Variants in CDK6 observed in about 807,000 individuals in gnomAD.
The protein encoded by CDK6 is cyclin dependent kinase 6, also known as cyclin-dependent kinase 6.
A neutral mutation model predicts 37.1 loss-of-function variants in CDK6; 6 were observed. The ratio of observed to expected loss-of-function variants is 0.16; its 90% CI spans 0.09 to 0.32. The LOEUF (loss-of-function observed/expected upper bound fraction) is 0.32, where lower values mean the gene tolerates loss of function less well. Among genes scored for constraint, CDK6 ranks in the 10% least tolerant of loss-of-function variants. CDK6 has a pLI of 1.00. For missense variants in CDK6, 224 were observed against 418.9 expected, an observed-to-expected ratio of 0.53 and a Z score of 4.06; for synonymous variants, 160 against 161.3, an observed-to-expected ratio of 0.99 and a Z score of 0.06.
chr7:92,725,992 C>T (rs1798504198), intron 3 of CDK6, among the ~76,000 whole-genome samples, 199 bp from the exon 4 acceptor site: 1 of 152,100 alleles, frequency 6.6e-6, no homozygotes, highest in South Asian at 2.1e-4. Context: ...AAAAATTTCA[C>T]TCTCAACCTG....
intron 5 of CDK6, among the ~76,000 whole-genome samples, chr7:92,630,777 T>C (rs560320203): frequency 6.6e-6 from 1 of 152,298 alleles, no homozygotes; most frequent in East Asian, 1.9e-4. Flanking sequence ...ATACTCACTA[T>C]AGTTTAAATT....
At chr7:92,623,732 G>A (rs1204511809) in intron 5 of CDK6, among the ~76,000 whole-genome samples, 4 of 152,130 alleles carry the variant, frequency 2.6e-5, no homozygotes, top group African/African-American at 9.7e-5. Flanking sequence ...AGGTCATTTT[G>A]TGACATTTCT....
intron 4 of CDK6, among the ~76,000 whole-genome samples, chr7:92,678,536 A>G (rs1313809301): frequency 6.6e-6 from 1 of 152,244 alleles, no homozygotes; most frequent in Non-Finnish European, 1.5e-5. Flanking sequence ...ATAATAGTAT[A>G]AGAAAAAGTA....
intron 4 of CDK6, among the ~76,000 whole-genome samples, chr7:92,716,351 G>A (rs1467670766): frequency 6.6e-6 from 1 of 152,182 alleles, no homozygotes; most frequent in Non-Finnish European, 1.5e-5. Context: ...GTAGGTTGGA[G>A]CTGAGCTTCA....
intron 3 of CDK6, among the ~76,000 whole-genome samples, chr7:92,765,717 A>G (rs1278770621): frequency 2.6e-5 from 4 of 152,226 alleles, no homozygotes; most frequent in Admixed American, 2.6e-4. Flanking sequence ...GCAATGGACT[A>G]GAGTCTTGAC....
chr7:92,641,127 T>C (rs1796295457), intron 5 of CDK6, among the ~76,000 whole-genome samples: 1 of 152,150 alleles, frequency 6.6e-6, no homozygotes, highest in African/African-American at 2.4e-5. Flanking sequence ...TGGTCACTGG[T>C]TTATGGTTTA....
In CDK6 at chr7:92,711,552, ATTTTTTTT is replaced by A. The variant is rs11285626; in HGVS notation, c.537+14066_537+14073del. 7.5e-3 allele frequency among the ~76,000 whole-genome samples: 425 copies of A among 56,638 alleles called. 4 individuals are homozygous for A. Among genetic ancestry groups the A allele is most frequent in the African/African-American group, 0.031 (375 of 12,228 alleles). The allele number at this position is 56,638 out of a possible 152,430, so 37.2% of individuals were successfully genotyped here. On this transcript the variant is annotated intron_variant, in intron 4 of 7. Coordinates refer to ENST00000424848, the MANE Select transcript of CDK6 (RefSeq NM_001145306.2). Reference sequence around the variant, plus strand: ...TTTTTTACCTACCTGGAATGGTCAAATTTTTTTTTTTTTTTTTTTTTTTTTTTTTTTAA... The same window carrying A: ...TTTTTTACCTACCTGGAATGGTCAAATTTTTTTTTTTTTTTTTTTTTTTAA...
rs200526967 is a variant in CDK6, at chr7:92,665,577, G to A, written c.647+5849C>T. Among the ~76,000 whole-genome samples, 21 of 152,212 alleles carry A rather than the reference G, an allele frequency of 1.4e-4. No individual in the cohort carries two copies. The East Asian group carries it at 3.9e-3, about 28-fold the overall frequency. Reference sequence around the variant, plus strand: ...CATCTGCCCTATGACTCTCTTTACTGAGTTTATATTTCCTAGGTATTTCAT... The same window carrying A: ...CATCTGCCCTATGACTCTCTTTACTAAGTTTATATTTCCTAGGTATTTCAT... On this transcript the variant is annotated intron_variant, in intron 5 of 7. Transcript: ENST00000424848.
At position 92,611,625 on chromosome 7, in the gene CDK6, G is replaced by A. The variant is rs1275572704; in HGVS notation, c.*3515C>T. ...ACTCACTTTAAATACATAATTTAAA[G>A]TTCAAAATGTTTGGTACTATTTAAG... On this transcript the variant is annotated 3_prime_UTR_variant, in exon 8 of 8. Coordinates refer to ENST00000424848, the MANE Select transcript of CDK6 (RefSeq NM_001145306.2). The A allele has an allele frequency of 8.8e-6, 2 of 228,474 alleles. No homozygotes were observed. The highest frequency in any genetic ancestry group is 5.7e-5 in the Admixed American group (1 of 17,652). 14.2% of individuals were successfully genotyped at this position (228,474 alleles called of 1,614,324 possible).
intron 2 of CDK6, among the ~76,000 whole-genome samples, chr7:92,805,525 C>T (rs1310747141): frequency 6.6e-6 from 1 of 152,132 alleles, no homozygotes; most frequent in East Asian, 1.9e-4. Flanking sequence ...TTCATAAACT[C>T]CCTCAGTGTA....
chr7:92,717,476 A>G lies in CDK6; in HGVS notation c.537+8150T>C, dbSNP rs550324493. ...AGGAAAGAAGAAAGAAAGAAAAAGAAAGAAAGAAAGAAAAGAAAGAAAAGA... is the reference window on the plus strand; with the variant it reads ...AGGAAAGAAGAAAGAAAGAAAAAGAGAGAAAGAAAGAAAAGAAAGAAAAGA... On this transcript the variant is annotated intron_variant, in intron 4 of 7. Coordinates refer to ENST00000424848, the MANE Select transcript of CDK6 (RefSeq NM_001145306.2). Among the ~76,000 whole-genome samples, 9 of 152,052 alleles carry G rather than the reference A, an allele frequency of 5.9e-5. No individual in the cohort carries two copies. The East Asian group carries it at 1.5e-3, about 26-fold the overall frequency.
intron 4 of CDK6, among the ~76,000 whole-genome samples, chr7:92,686,787 T>A (rs1320178150): frequency 6.6e-6 from 1 of 151,926 alleles, no homozygotes; most frequent in Non-Finnish European, 1.5e-5. Flanking sequence ...TGTGCCAACA[T>A]CCATTTTTTT....
intron 3 of CDK6, among the ~76,000 whole-genome samples, chr7:92,742,625 A>C (rs1285035898): frequency 6.6e-6 from 1 of 152,198 alleles, no homozygotes; most frequent in Non-Finnish European, 1.5e-5. Context: ...CTTCATTCAC[A>C]AAGTAGTACA....
intron 4 of CDK6, among the ~76,000 whole-genome samples, chr7:92,707,411 A>G (rs1797992416): frequency 6.6e-6 from 1 of 152,232 alleles, no homozygotes; most frequent in South Asian, 2.1e-4. Flanking sequence ...TGTGTATAAT[A>G]GCCGTTATAC....
intron 5 of CDK6, among the ~76,000 whole-genome samples, chr7:92,656,664 C>G (rs968362391): frequency 6.6e-6 from 1 of 152,118 alleles, no homozygotes; most frequent in Non-Finnish European, 1.5e-5. Flanking sequence ...GAGGTCCAAG[C>G]CCCAGCTAGA....
intron 2 of CDK6, among the ~76,000 whole-genome samples, chr7:92,779,305 C>T (rs1799927955): frequency 6.6e-6 from 1 of 152,116 alleles, no homozygotes. Flanking sequence ...ACTGAAGCCA[C>T]TACTAATTGT....
intron 5 of CDK6, among the ~76,000 whole-genome samples, chr7:92,657,850 G>T (rs541092383): frequency 6.6e-6 from 1 of 152,098 alleles, no homozygotes; most frequent in Non-Finnish European, 1.5e-5. Context: ...GAGTAGCTGG[G>T]AGTACAGGAG....
At chr7:92,646,754 C>A (rs1264012172) in intron 5 of CDK6, among the ~76,000 whole-genome samples, 1 of 151,956 alleles carries the variant, frequency 6.6e-6, no homozygotes, top group Non-Finnish European at 1.5e-5. Flanking sequence ...GAGAAGAATC[C>A]CATGGGATTC....
At chr7:92,732,779 T>C (rs1046969518) in intron 3 of CDK6, among the ~76,000 whole-genome samples, 1 of 152,192 alleles carries the variant, frequency 6.6e-6, no homozygotes, top group African/African-American at 2.4e-5. Context: ...AGGTGCACAG[T>C]AGAATGCTCT....
Sources: allele counts gnomAD v4.1 joint callset (sites outside exome capture counted in the v4.1 genomes callset), GRCh38; gene constraint gnomAD v4.1.1; transcripts MANE v1.5; gene names NCBI Gene and HGNC (gene_info 2026-07-23, HGNC 2026-07-21).